The following MTRES1 variants were observed in gnomAD, a reference collection of about 807,000 sequenced individuals.
The protein encoded by MTRES1 is mitochondrial transcription rescue factor 1.
A neutral mutation model predicts 17.4 loss-of-function variants in MTRES1; 11 were observed. The ratio of observed to expected loss-of-function variants is 0.63; its 90% CI spans 0.40 to 1.05. The LOEUF is 1.05. Ranked by LOEUF, MTRES1 falls within the 50% of genes least tolerant of loss-of-function variation. The pLI is 0.00. For missense variants in MTRES1, 268 were observed against 276.2 expected (o/e 0.97, Z 0.21); for synonymous variants, 94 against 99.6 (o/e 0.94, Z 0.34).
rs111522204 is a variant in MTRES1, at chr6:107,036,293, C to G, written c.-12-3456C>G. Reference sequence around the variant, plus strand: ...GCACTGTGGCTCACACCTATAATCTCAGCACTTTGGGAGGCTGAGGCGGAC... The same window carrying G: ...GCACTGTGGCTCACACCTATAATCTGAGCACTTTGGGAGGCTGAGGCGGAC... On this transcript the variant is annotated intron_variant, in intron 1 of 3. Coordinates refer to ENST00000311381, the MANE Select transcript of MTRES1 (RefSeq NM_016487.5). Among the ~76,000 whole-genome samples the G allele has an allele frequency of 7.6e-3, 1,162 of 152,242 alleles. 16 individuals carry two copies. The highest frequency in any genetic ancestry group is 0.027 in the African/African-American group (1,112 of 41,550).
At chr6:107,049,481 T>G (rs1774515285) in intron 3 of MTRES1, among the ~76,000 whole-genome samples, 1 of 144,422 alleles carries the variant, frequency 6.9e-6, no homozygotes, top group African/African-American at 2.6e-5. Context: ...TGGCGAGATC[T>G]CGGCTCACTG....
chr6:107,029,312 C>G (rs1318234492), intron 1 of MTRES1, among the ~76,000 whole-genome samples: 5 of 152,118 alleles, frequency 3.3e-5, no homozygotes, highest in Admixed American at 1.3e-4. Context: ...CTCAGCCTCC[C>G]GAGTAGCTGG....
At position 107,028,290 on chromosome 6, in the gene MTRES1, GCGCGC is replaced by G. The variant is rs1176107478; in HGVS notation, c.-13+27_-13+31del. ...CGTACAGGTGAGTGCGCCTCTGCTGGCGCGCCGCGCCGGGCCCCCTGCCCGCGCCC... is the reference window on the plus strand; with the variant it reads ...CGTACAGGTGAGTGCGCCTCTGCTGGCGCGCCGGGCCCCCTGCCCGCGCCC... On this transcript the variant is annotated intron_variant, in intron 1 of 3. Coordinates refer to ENST00000311381, the MANE Select transcript of MTRES1 (RefSeq NM_016487.5). 6.6e-6 allele frequency: 1 copy of G among 152,286 alleles called. No individual in the cohort carries two copies. Among genetic ancestry groups the G allele is most frequent in the African/African-American group, 2.4e-5 (1 of 41,434 alleles). 9.4% of individuals were successfully genotyped at this position (152,286 alleles called of 1,614,324 possible).
At chr6:107,044,378 C>G in intron 3 of MTRES1, 46 bp downstream of exon 3, 1 of 1,468,048 alleles carries the variant, frequency 6.8e-7, no homozygotes, top group Non-Finnish European at 9.5e-7. Context: ...TCGTCTCTTA[C>G]TCTGCTAGTA....
intron 3 of MTRES1, among the ~76,000 whole-genome samples, chr6:107,046,930 T>TTGTGTGTGTGTGTG (rs67662472): frequency 3.0e-5 from 1 of 33,016 alleles, no homozygotes; most frequent in African/African-American, 6.7e-5. Flanking sequence ...GGATTCATTC[T>TTGTGTGTGTGTGTG]TGTGTGTGTG....
At chr6:107,049,998 G>A (rs1251529565) in intron 3 of MTRES1, among the ~76,000 whole-genome samples, 1 of 152,310 alleles carries the variant, frequency 6.6e-6, no homozygotes, top group East Asian at 1.9e-4. Flanking sequence ...TGGGATTACA[G>A]GTGTGAACCA....
At position 107,039,990 on chromosome 6, in the gene MTRES1, T is replaced by A. The variant is rs782378714; in HGVS notation, c.230T>A (p.Ile77Asn). 1 of 1,613,726 alleles carries A rather than the reference T, an allele frequency of 6.2e-7. No individual in the cohort carries two copies. Among genetic ancestry groups the A allele is most frequent in the South Asian group, 1.1e-5 (1 of 91,002 alleles). The change falls in exon 2 of 4, where the codon ATT (isoleucine) becomes AAT (asparagine). Residue 77 changes from isoleucine (I) to asparagine (N), a missense_variant. Physicochemically the swap from Ile to Asn is moderately radical, Grantham distance 149. Transcript: ENST00000311381. Reference protein sequence around the residue: ...LPGLLLSPECIFPFSVRLKSN... With the variant: ...LPGLLLSPECNFPFSVRLKSN... ...GGGCTTTTACTATCTCCAGAATGTA[T>A]TTTTCCTTTTTCCGTAAGACTCAAA...
chr6:107,036,760 G>C (rs1421336764), intron 1 of MTRES1, among the ~76,000 whole-genome samples: 2 of 151,534 alleles, frequency 1.3e-5, no homozygotes, highest in East Asian at 3.9e-4. Context: ...GGAGAATGGC[G>C]AATGGCGTGA....
At chr6:107,043,206 C>G (rs530207706) in intron 2 of MTRES1, among the ~76,000 whole-genome samples, 5 of 151,964 alleles carry the variant, frequency 3.3e-5, no homozygotes, top group Non-Finnish European at 5.9e-5. Flanking sequence ...TGGTGGCGGG[C>G]GCCTGTAGTC....
At chr6:107,028,870 C>T in intron 1 of MTRES1, 3 of 985,168 alleles carry the variant, frequency 3.0e-6, no homozygotes, top group African/African-American at 1.7e-5. Flanking sequence ...GTGATCATCT[C>T]TCCACTCATC....
intron 3 of MTRES1, among the ~76,000 whole-genome samples, chr6:107,049,345 T>C (rs1486209213): frequency 6.6e-6 from 1 of 151,500 alleles, no homozygotes; most frequent in Non-Finnish European, 1.5e-5. Context: ...TGGCTCCCAG[T>C]CATCCCTGGC....
At chr6:107,028,462 T>G (rs535880549) in intron 1 of MTRES1, 191 bp downstream of exon 1, 1 of 152,458 alleles carries the variant, frequency 6.6e-6, no homozygotes, top group African/African-American at 2.4e-5. Context: ...AGCCTTCCGT[T>G]CCTGCCTCCT....
At chr6:107,033,263 G>A (rs1773901980) in intron 1 of MTRES1, among the ~76,000 whole-genome samples, 1 of 152,068 alleles carries the variant, frequency 6.6e-6, no homozygotes, top group East Asian at 1.9e-4. Context: ...GTGTAGTGTT[G>A]GTGCAACCAG....
Position 107,034,470 on chromosome 6 carries a change from G to GAA in MTRES1, c.-12-5279_-12-5278insAA, listed in dbSNP as rs1236094718. On this transcript the variant is annotated intron_variant, in intron 1 of 3. Transcript: ENST00000311381. ...GAGTTTTTATTCCAGAAAAAAAAAAGGAAAATAGATGTCAGGGTGTGGAAG... is the reference window on the plus strand; with the variant it reads ...GAGTTTTTATTCCAGAAAAAAAAAAGAAGAAAATAGATGTCAGGGTGTGGAAG... Among the ~76,000 whole-genome samples the GAA allele has an allele frequency of 2.0e-5, 3 of 150,768 alleles. No homozygotes were observed. The South Asian group carries it at 6.3e-4, about 32-fold the overall frequency.
In MTRES1 at chr6:107,039,914, G is replaced by C; in HGVS notation, c.154G>C (p.Ala52Pro). The change falls in exon 2 of 4, where the codon GCA (alanine) becomes CCA (proline). Residue 52 changes from alanine (A) to proline (P), a missense_variant. Transcript: ENST00000311381. ...GTATTTTTCTAGTACCAAGTTACGT[G>C]CACCAAATTATAAAACACTTTTTTA... is the stretch of plus-strand genomic sequence containing the variant. ...YLYFSSTKLR[A>P]PNYKTLFYNI... The C allele has an allele frequency of 6.2e-7, 1 of 1,613,852 alleles. No homozygotes were observed. Among genetic ancestry groups the C allele is most frequent in the Non-Finnish European group, 8.5e-7 (1 of 1,179,826 alleles).
Position 107,051,127 on chromosome 6 carries a change from G to A in MTRES1, c.614G>A (p.Arg205Gln), listed in dbSNP as rs367978912. 4 of 1,613,678 alleles carry A rather than the reference G, an allele frequency of 2.5e-6. No homozygotes were observed. Among genetic ancestry groups the A allele is most frequent in the East Asian group, 2.2e-5 (1 of 44,880 alleles). Residue 205 changes from arginine to glutamine, a missense_variant, in exon 4 of 4, where the codon CGG becomes CAG. Physicochemically the swap from Arg to Gln is conservative, Grantham distance 43. Coordinates refer to ENST00000311381, the MANE Select transcript of MTRES1 (RefSeq NM_016487.5). ...DKEAGTETVM[R>Q]ILLKKVFEEK... is the part of the protein sequence containing the mutation. ...GAAGCAGGAACAGAGACAGTTATGC[G>A]GATTCTCTTGAAAAAAGTGTTTGAA...
chr6:107,032,173 T>A (rs1773867897), intron 1 of MTRES1, among the ~76,000 whole-genome samples: 2 of 152,106 alleles, frequency 1.3e-5, no homozygotes, highest in Admixed American at 1.3e-4. Flanking sequence ...GCAAGAGGTT[T>A]GTGTAATTGC....
At chr6:107,029,423 C>A (rs1773754707) in intron 1 of MTRES1, among the ~76,000 whole-genome samples, 1 of 151,786 alleles carries the variant, frequency 6.6e-6, no homozygotes, top group South Asian at 2.1e-4. Context: ...TCCTGACTTC[C>A]TGATCCGCAC....
At chr6:107,028,995 AT>A (rs782040355) in intron 1 of MTRES1, 35 of 402,494 alleles carry the variant, frequency 8.7e-5, no homozygotes, top group Non-Finnish European at 1.2e-4. Context: ...CTCCTGATCA[AT>A]TTTTATTCCA....
Sources: gnomAD v4.1 joint callset for allele counts (sites outside exome capture counted in the v4.1 genomes callset) on GRCh38, gnomAD v4.1.1 for gene constraint, MANE v1.5 for transcripts, NCBI Gene and HGNC (gene_info 2026-07-23, HGNC 2026-07-21) for gene names.